Variants in GABRR1 observed in about 807,000 individuals in gnomAD.
GABRR1 encodes gamma-aminobutyric acid receptor subunit rho-1.
Under a neutral mutation model 55.5 loss-of-function variants are expected in GABRR1, and 59 were observed. The observed-to-expected ratio is 1.06, with a 90% CI of 0.86 to 1.32. The LOEUF (loss-of-function observed/expected upper bound fraction) is 1.32. GABRR1 is among the 40% of genes most tolerant of loss of function. The probability of loss-of-function intolerance (pLI) is 0.00; values close to 1 mark genes in which losing one functional copy is unlikely to be tolerated. For synonymous variants in GABRR1, 213 were observed against 226.0 expected, an observed-to-expected ratio of 0.94 and a Z score of 0.51; for missense variants, 602 against 619.1, an observed-to-expected ratio of 0.97 and a Z score of 0.29.
At chr6:89,180,693 C>G (rs1488702065) in intron 8 of GABRR1, among the ~76,000 whole-genome samples, 1 of 152,148 alleles carries the variant, frequency 6.6e-6, no homozygotes, top group Non-Finnish European at 1.5e-5. Context: ...GCTTCCCTAC[C>G]CTTTCGCCCC....
chr6:89,216,868 A>G lies in GABRR1; in HGVS notation c.122+333T>C, dbSNP rs527596695. Among the ~76,000 whole-genome samples, 3 of 152,274 alleles carry G rather than the reference A, an allele frequency of 2.0e-5. No individual in the cohort carries two copies. In the South Asian group the frequency reaches 6.2e-4, roughly 32 times the overall value. On this transcript the variant is annotated intron_variant, in intron 1 of 9. Transcript: ENST00000454853. ...TTTGAGAATTCACAGAGTTGTTCTA[A>G]CCCTAGGACACAGACAGCAAACAAT...
chr6:89,194,021 G>A (rs1331993698), intron 5 of GABRR1, among the ~76,000 whole-genome samples: 1 of 152,120 alleles, frequency 6.6e-6, no homozygotes, highest in East Asian at 1.9e-4. Context: ...ACCTTCTTAG[G>A]TTCCCTGTCA....
At position 89,212,242 on chromosome 6, in the gene GABRR1, C is replaced by T. The variant is rs1473764204; in HGVS notation, c.122+4959G>A. On this transcript the variant is annotated intron_variant, in intron 1 of 9. Transcript: ENST00000454853. ...GCCAATCAGATTCTGACCATTCTAG[C>T]TCCTTGAAAGCTCTCATATTCATTC... 2.4e-5 allele frequency: 7 copies of T among 297,340 alleles called. 2 individuals carry two copies. The highest frequency in any genetic ancestry group is 2.0e-4 in the African/African-American group (7 of 34,822). 18.4% of individuals were successfully genotyped at this position (297,340 alleles called of 1,614,324 possible).
Position 89,182,075 on chromosome 6 carries a change from A to G in GABRR1, c.797-18T>C, listed in dbSNP as rs1408497552. 10 of 1,613,654 alleles carry G rather than the reference A, an allele frequency of 6.2e-6. No homozygotes were observed. The highest frequency in any genetic ancestry group is 1.7e-5 in the Admixed American group (1 of 60,004). ...GTACCAGCCTGGGGGACACAGGAAT[A>G]AAAGACAGTACACATCATGGCTCCT... On this transcript the variant is annotated intron_variant, in intron 7 of 9. Coordinates refer to ENST00000454853, the MANE Select transcript of GABRR1 (RefSeq NM_002042.5).
intron 4 of GABRR1, 119 bp downstream of exon 4, chr6:89,199,242 TG>T: frequency 1.2e-6 from 1 of 840,288 alleles, no homozygotes. Context: ...AAAAGTAGTG[TG>T]GGGATTCCCA....
chr6:89,188,758 A>G (rs1771992386), intron 6 of GABRR1, among the ~76,000 whole-genome samples: 1 of 151,974 alleles, frequency 6.6e-6, no homozygotes, highest in South Asian at 2.1e-4. Flanking sequence ...AAAATTGACA[A>G]TTTTCATGTA....
At chr6:89,193,870 G>A (rs566060474) in intron 5 of GABRR1, among the ~76,000 whole-genome samples, 22 of 152,184 alleles carry the variant, frequency 1.4e-4, no homozygotes, top group Non-Finnish European at 2.4e-4. Flanking sequence ...AAACTGAGAT[G>A]CCAGTAGGAG....
At chr6:89,195,292 T>G (rs1772227349) in intron 5 of GABRR1, among the ~76,000 whole-genome samples, 1 of 151,616 alleles carries the variant, frequency 6.6e-6, no homozygotes, top group African/African-American at 2.4e-5. Flanking sequence ...GAAACCTCAT[T>G]TCTACTAAAA....
At chr6:89,209,697 T>TA (rs1220651951) in intron 1 of GABRR1, among the ~76,000 whole-genome samples, 2 of 152,058 alleles carry the variant, frequency 1.3e-5, no homozygotes, top group Admixed American at 6.6e-5. Context: ...TGTCTGAGGT[T>TA]AGATTTATTT....
intron 1 of GABRR1, among the ~76,000 whole-genome samples, chr6:89,206,829 G>C (rs1473292700): frequency 6.6e-6 from 1 of 151,788 alleles, no homozygotes; most frequent in Non-Finnish European, 1.5e-5. Flanking sequence ...TGTTGCCCAA[G>C]CTGGTCTCCA....
intron 2 of GABRR1, among the ~76,000 whole-genome samples, chr6:89,202,162 T>A (rs1772496189): frequency 6.6e-6 from 1 of 152,150 alleles, no homozygotes; most frequent in Non-Finnish European, 1.5e-5. Flanking sequence ...TTTCTCTTTT[T>A]CTCGATTGGT....
chr6:89,230,139 T>C (rs1205605918), intron 1 of GABRR1, among the ~76,000 whole-genome samples: 2 of 109,892 alleles, frequency 1.8e-5, no homozygotes, highest in Non-Finnish European at 3.7e-5. Context: ...CTTCTCTGTA[T>C]TGGTTATTCT....
At chr6:89,211,074 G>A (rs1406612446) in intron 1 of GABRR1, among the ~76,000 whole-genome samples, 2 of 152,170 alleles carry the variant, frequency 1.3e-5, no homozygotes, top group African/African-American at 4.8e-5. Flanking sequence ...AGACTGCAAG[G>A]AGCAGGGGCA....
chr6:89,204,476 C>T, intron 1 of GABRR1: 1 of 354,636 alleles, frequency 2.8e-6, no homozygotes, highest in Non-Finnish European at 5.1e-6. Context: ...CCTGTGGACC[C>T]TCAATACCTA....
chr6:89,211,749 T>A (rs1268776588), intron 1 of GABRR1, among the ~76,000 whole-genome samples: 1 of 152,158 alleles, frequency 6.6e-6, no homozygotes, highest in Admixed American at 6.5e-5. Flanking sequence ...AAGCACTTGA[T>A]AACTGTTGAA....
At chr6:89,230,522 T>G (rs1213588768) in intron 1 of GABRR1, among the ~76,000 whole-genome samples, 46 of 152,262 alleles carry the variant, frequency 3.0e-4, no homozygotes, top group South Asian at 1.2e-3. Flanking sequence ...ATACCCTGCC[T>G]TGTGAGGTGT....
chr6:89,190,059 A>T, intron 6 of GABRR1, 106 bp downstream of exon 6: 2 of 674,400 alleles, frequency 3.0e-6, no homozygotes, highest in South Asian at 2.8e-5. Context: ...AAAAAAAAAA[A>T]GTCTACTCAT....
chr6:89,212,417 A>C, intron 1 of GABRR1, among the ~76,000 whole-genome samples: 1 of 34,820 alleles, frequency 2.9e-5, no homozygotes, highest in South Asian at 1.1e-3. Flanking sequence ...CTGAGCAAGC[A>C]AGCATCGTCT....
chr6:89,212,167 A>C lies in GABRR1; in HGVS notation c.122+5034T>G. The C allele has an allele frequency of 3.1e-6, 2 of 650,846 alleles. 1 individual carries two copies. The highest frequency in any genetic ancestry group is 3.7e-6 in the Non-Finnish European group (2 of 545,616). 40.3% of individuals were successfully genotyped at this position (650,846 alleles called of 1,614,324 possible). A position where few individuals can be genotyped will look rare whatever the true frequency, so the allele number is the denominator to read the frequency against. On this transcript the variant is annotated intron_variant, in intron 1 of 9. Coordinates refer to ENST00000454853, the MANE Select transcript of GABRR1 (RefSeq NM_002042.5). ...GGCATCACCATCTACTCAGTCGTACAATCCAAAGACCTGCCGAACATTCAC... is the reference window on the plus strand; with the variant it reads ...GGCATCACCATCTACTCAGTCGTACCATCCAAAGACCTGCCGAACATTCAC...
Sources: gnomAD v4.1 joint callset for allele counts (sites outside exome capture counted in the v4.1 genomes callset) on GRCh38, gnomAD v4.1.1 for gene constraint, MANE v1.5 for transcripts, NCBI Gene and HGNC (gene_info 2026-07-23, HGNC 2026-07-21) for gene names.